Variants in CCDC88C observed in about 807,000 individuals in gnomAD.
The protein encoded by CCDC88C is coiled-coil and HOOK domain protein 88C.
Under a neutral mutation model 198.8 loss-of-function variants are expected in CCDC88C, and 131 were observed. The observed-to-expected ratio is 0.66, with a 90% CI of 0.57 to 0.76. The LOEUF (loss-of-function observed/expected upper bound fraction) is 0.76, where lower values mean the gene tolerates loss of function less well. CCDC88C is among the 30% of genes least tolerant of loss of function. CCDC88C has a pLI of 0.00. For missense variants in CCDC88C, 2,553 were observed against 2,631.6 expected, an observed-to-expected ratio of 0.97 and a Z score of 0.65; for synonymous variants, 1,166 against 1,114.7, an observed-to-expected ratio of 1.05 and a Z score of -0.92.
intron 17 of CCDC88C, 38 bp downstream of exon 17, chr14:91,308,313 T>C (rs927871489): frequency 6.8e-6 from 11 of 1,609,882 alleles, no homozygotes; most frequent in Non-Finnish European, 9.3e-6. Flanking sequence ...AGGCTGAGAA[T>C]GGGCAGCTGG....
intron 4 of CCDC88C, among the ~76,000 whole-genome samples, chr14:91,343,943 C>A (rs147759639): frequency 1.7e-4 from 26 of 152,264 alleles, no homozygotes; most frequent in Non-Finnish European, 7.4e-5. Flanking sequence ...ACCTCAGCCT[C>A]CCTAGTAGCT....
chr14:91,304,268 C>A (rs1424742046), intron 19 of CCDC88C, among the ~76,000 whole-genome samples: 2 of 152,054 alleles, frequency 1.3e-5, no homozygotes, highest in African/African-American at 4.8e-5. Context: ...GTGTGCTGTG[C>A]CCTCTCTGAC....
intron 6 of CCDC88C, among the ~76,000 whole-genome samples, chr14:91,340,818 C>G (rs1285794): frequency 6.6e-6 from 1 of 152,032 alleles, no homozygotes; most frequent in Non-Finnish European, 1.5e-5. Flanking sequence ...CTTGAGCAAC[C>G]TAGTAAGACC....
intron 13 of CCDC88C, among the ~76,000 whole-genome samples, chr14:91,319,290 A>G (rs1431901894): frequency 6.6e-6 from 1 of 152,230 alleles, no homozygotes; most frequent in Non-Finnish European, 1.5e-5. Context: ...GCCATGTGAC[A>G]GGGATCCTCT....
chr14:91,330,725 T>C (rs545324968), intron 10 of CCDC88C, among the ~76,000 whole-genome samples: 5 of 151,924 alleles, frequency 3.3e-5, no homozygotes, highest in South Asian at 2.1e-4. Flanking sequence ...CAGGCAGGTG[T>C]GGAGGGAAAG....
rs559935708 is a variant in CCDC88C at position 91,312,177 on chromosome 14, T to C, written c.2736+903A>G. ...CCTGAGGCAGATGGATCCCCTGAGGTCAAGAGTTCAAGACCAGCCTGGCCA... is the reference window on the plus strand; with the variant it reads ...CCTGAGGCAGATGGATCCCCTGAGGCCAAGAGTTCAAGACCAGCCTGGCCA... On this transcript the variant is annotated intron_variant, in intron 15 of 29. Coordinates refer to ENST00000389857, the MANE Select transcript of CCDC88C (RefSeq NM_001080414.4). 5.3e-5 allele frequency among the ~76,000 whole-genome samples: 8 copies of C among 152,016 alleles called. No homozygotes were observed. The East Asian group carries it at 1.5e-3, about 29-fold the overall frequency.
chr14:91,301,654 C>T (rs141283056), intron 20 of CCDC88C, among the ~76,000 whole-genome samples: 57 of 152,290 alleles, frequency 3.7e-4, no homozygotes, highest in African/African-American at 1.2e-3. Flanking sequence ...GAGGTGGAGG[C>T]TGCTGTGAGC....
Position 91,346,118 on chromosome 14 carries a change from G to A in CCDC88C, c.341-2461C>T, listed in dbSNP as rs141026451. On this transcript the variant is annotated intron_variant, in intron 4 of 29. Transcript: ENST00000389857. ...CCGCCGTCCTGAGAACCAATGCTGC[G>A]GTTCATTTCAGATCCCTGGGTATAA... Among the ~76,000 whole-genome samples, 10 of 152,264 alleles carry A rather than the reference G, an allele frequency of 6.6e-5. No individual in the cohort carries two copies. In the South Asian group the frequency reaches 1.0e-3, roughly 16 times the overall value.
chr14:91,341,867 G>A (rs1893326513), intron 6 of CCDC88C, among the ~76,000 whole-genome samples: 1 of 152,020 alleles, frequency 6.6e-6, no homozygotes, highest in Non-Finnish European at 1.5e-5. Context: ...CTCGCTGGGG[G>A]GCCTGAGTTG....
chr14:91,358,109 C>G (rs2139900264), intron 4 of CCDC88C, among the ~76,000 whole-genome samples: 1 of 152,286 alleles, frequency 6.6e-6, no homozygotes, highest in East Asian at 1.9e-4. Flanking sequence ...AGAAAGAGCG[C>G]CCCCACGGAA....
chr14:91,397,470 TCA>T (rs956334362), intron 3 of CCDC88C, among the ~76,000 whole-genome samples: 5 of 151,578 alleles, frequency 3.3e-5, no homozygotes, highest in African/African-American at 4.8e-5. Context: ...ACTCTCACAC[TCA>T]CACACTCTCA....
intron 3 of CCDC88C, among the ~76,000 whole-genome samples, chr14:91,405,445 T>C (rs1371441766): frequency 6.6e-6 from 1 of 152,196 alleles, no homozygotes; most frequent in Non-Finnish European, 1.5e-5. Flanking sequence ...CCTTCGGGGC[T>C]ACTTTCCCAA....
At chr14:91,286,298 C>A (rs998657021) in intron 25 of CCDC88C, among the ~76,000 whole-genome samples, 5 of 152,138 alleles carry the variant, frequency 3.3e-5, no homozygotes, top group Non-Finnish European at 7.4e-5. Flanking sequence ...CGTTTCAGGG[C>A]GCTGTAATCA....
intron 23 of CCDC88C, among the ~76,000 whole-genome samples, chr14:91,293,840 T>C (rs961481496): frequency 2.6e-5 from 4 of 152,216 alleles, no homozygotes; most frequent in African/African-American, 9.7e-5. Context: ...ACAGCACTCA[T>C]TCCCAGCCTT....
chr14:91,371,866 C>T lies in CCDC88C; in HGVS notation c.271-12155G>A, dbSNP rs1468755722. Among the ~76,000 whole-genome samples, 1 of 152,168 alleles carries T rather than the reference C, an allele frequency of 6.6e-6. No individual in the cohort carries two copies. Among genetic ancestry groups the T allele is most frequent in the Non-Finnish European group, 1.5e-5 (1 of 68,012 alleles). On this transcript the variant is annotated intron_variant, in intron 3 of 29. Coordinates refer to ENST00000389857, the MANE Select transcript of CCDC88C (RefSeq NM_001080414.4). This position sits in a 1 kb window ranked among gnomAD's most constrained non-coding sequence, Gnocchi z 4.2. ...TGCCGCTTCACTCCCAGGCACAAGT[C>T]GGAGCAGGATGGTGGAGGGCACCTA...
At position 91,272,883 on chromosome 14, in the gene CCDC88C, C is replaced by T. The variant is rs375271984; in HGVS notation, c.5829G>A (p.Ala1943=). The T allele has an allele frequency of 5.8e-4, 920 of 1,588,038 alleles. 2 individuals carry two copies. The highest frequency in any genetic ancestry group is 1.4e-3 in the African/African-American group (104 of 74,688). ...AAPAARTKPK[A]PPRSGEVATI... The stretch of plus-strand genomic sequence containing the variant: ...TGGCCACCTCCCCTGAGCGTGGGGG[C>T]GCCTTGGGCTTGGTCCTGGCAGCCG... The change falls in exon 30 of 30, where the codon GCG becomes GCA. Residue 1943 remains alanine, a synonymous_variant. Transcript: ENST00000389857.
intron 13 of CCDC88C, among the ~76,000 whole-genome samples, chr14:91,316,031 T>C (rs1204315607): frequency 6.6e-6 from 1 of 152,228 alleles, no homozygotes; most frequent in Admixed American, 6.5e-5. Context: ...TGCTGCCATG[T>C]GCTCCACCGC....
chr14:91,392,339 T>C (rs1035707885), intron 3 of CCDC88C, among the ~76,000 whole-genome samples: 3 of 151,864 alleles, frequency 2.0e-5, no homozygotes, highest in African/African-American at 7.3e-5. Context: ...CCAGGAAACC[T>C]AGAGGTGGGA....
intron 3 of CCDC88C, among the ~76,000 whole-genome samples, chr14:91,400,110 G>A (rs569355845): frequency 1.3e-4 from 20 of 151,888 alleles, no homozygotes; most frequent in African/African-American, 4.6e-4. Flanking sequence ...CATGTCCTGC[G>A]TACACAGGTG....
Sources: gnomAD v4.1 joint callset for allele counts (sites outside exome capture counted in the v4.1 genomes callset) on GRCh38, gnomAD v4.1.1 for gene constraint, Gnocchi (gnomAD v3.1) non-coding constraint, MANE v1.5 for transcripts, NCBI Gene and HGNC (gene_info 2026-07-23, HGNC 2026-07-21) for gene names.